The following NICOL1 variants were observed in gnomAD, a reference collection of about 807,000 sequenced individuals.
NICOL1 encodes NELL2 interacting cell ontogeny regulator 1.
the NICOL1 span, among the ~76,000 whole-genome samples, chr4:2,040,648 G>A: frequency 2.0e-5 from 3 of 152,178 alleles, no homozygotes; most frequent in Non-Finnish European, 2.9e-5. Context: ...GCACTAGCCC[G>A]ACACTCGGGA....
the NICOL1 span, among the ~76,000 whole-genome samples, chr4:2,038,280 TATATAA>T: frequency 4.3e-5 from 5 of 116,372 alleles, no homozygotes; most frequent in South Asian, 2.7e-4. Context: ...TATATATATA[TATATAA>T]AATTAAAATT....
the NICOL1 span, chr4:2,042,621 C>T: frequency 1.2e-5 from 7 of 569,626 alleles, no homozygotes; most frequent in Non-Finnish European, 2.0e-5. Context: ...GAGATGGTGG[C>T]TTGGGGAGTG....
the NICOL1 span, among the ~76,000 whole-genome samples, chr4:2,037,191 T>C: frequency 6.6e-6 from 1 of 152,198 alleles, no homozygotes; most frequent in African/African-American, 2.4e-5. Flanking sequence ...ATTGTAAGTT[T>C]CCTGAAGCTC....
At chr4:2,043,861 A>G in the NICOL1 span, 1 of 1,549,488 alleles carries the variant, frequency 6.5e-7, no homozygotes, top group South Asian at 1.2e-5. Flanking sequence ...TGCTTTGCAG[A>G]CGGAGACCCT....
At chr4:2,041,882 A>C in the NICOL1 span, 3 of 1,180,168 alleles carry the variant, frequency 2.5e-6, no homozygotes, top group Non-Finnish European at 3.3e-6. Flanking sequence ...AGGGCCAGGC[A>C]CACCCGATTC....
At chr4:2,043,012 A>G in the NICOL1 span, among the ~76,000 whole-genome samples, 1 of 152,020 alleles carries the variant, frequency 6.6e-6, no homozygotes, top group Non-Finnish European at 1.5e-5. Flanking sequence ...TGTCTCACCT[A>G]TGAGACGCCC....
At chr4:2,042,127 G>A in the NICOL1 span, 5 of 1,467,788 alleles carry the variant, frequency 3.4e-6, no homozygotes, top group African/African-American at 7.4e-5. Flanking sequence ...GCGCGGACTA[G>A]AGGCTCGCTG....
At chr4:2,038,237 G>GTATATATATA in the NICOL1 span, among the ~76,000 whole-genome samples, 57 of 91,444 alleles carry the variant, frequency 6.2e-4, no homozygotes, top group Admixed American at 1.3e-3. Context: ...TGATCAGTGT[G>GTATATATATA]TATATATATA....
the NICOL1 span, chr4:2,043,719 C>G: frequency 1.6e-6 from 1 of 632,634 alleles, no homozygotes; most frequent in Non-Finnish European, 2.7e-6. Context: ...GTGGGAGGCT[C>G]TGGGTGTGGG....
chr4:2,042,335 C>T, the NICOL1 span: 2 of 559,698 alleles, frequency 3.6e-6, no homozygotes, highest in African/African-American at 2.0e-5. Flanking sequence ...AGGGCGGCCC[C>T]GCTCCCTCTG....
chr4:2,042,128 A>G, the NICOL1 span: 1 of 1,445,876 alleles, frequency 6.9e-7, no homozygotes, highest in South Asian at 1.3e-5. Flanking sequence ...CGCGGACTAG[A>G]GGCTCGCTGG....
At chr4:2,038,285 A>ATG in the NICOL1 span, among the ~76,000 whole-genome samples, 1 of 121,560 alleles carries the variant, frequency 8.2e-6, no homozygotes, top group Non-Finnish European at 1.7e-5. Flanking sequence ...ATATATATAT[A>ATG]AAATTAAAAT....
At chr4:2,040,788 G>A in the NICOL1 span, among the ~76,000 whole-genome samples, 1 of 152,186 alleles carries the variant, frequency 6.6e-6, no homozygotes, top group Non-Finnish European at 1.5e-5. Context: ...CCCGAAGCCC[G>A]GCGTCGGCCC....
the NICOL1 span, chr4:2,043,822 C>A: frequency 1.4e-4 from 209 of 1,530,680 alleles, no homozygotes; most frequent in African/African-American, 2.3e-3. Context: ...TGCCAGTGGG[C>A]AGCTGGGCTG....
At chr4:2,040,463 C>T in the NICOL1 span, among the ~76,000 whole-genome samples, 1 of 152,100 alleles carries the variant, frequency 6.6e-6, no homozygotes, top group Non-Finnish European at 1.5e-5. Flanking sequence ...AGCGTGGGAC[C>T]GAAGGGGAGA....
the NICOL1 span, chr4:2,041,888 G>C: frequency 8.1e-7 from 1 of 1,232,458 alleles, no homozygotes. Context: ...AGGCACACCC[G>C]ATTCCTGGAG....
the NICOL1 span, among the ~76,000 whole-genome samples, chr4:2,038,946 T>A: frequency 6.6e-6 from 1 of 152,224 alleles, no homozygotes; most frequent in Non-Finnish European, 1.5e-5. Flanking sequence ...GATCTTTTCA[T>A]CACCTGGGAG....
the NICOL1 span, chr4:2,042,738 C>G: frequency 2.0e-6 from 3 of 1,512,070 alleles, no homozygotes; most frequent in Non-Finnish European, 2.6e-6. Context: ...CCCCGCAGGC[C>G]GCCCATGCGT....
chr4:2,038,237 G>GTACA, the NICOL1 span, among the ~76,000 whole-genome samples: 49 of 91,468 alleles, frequency 5.4e-4, no homozygotes, highest in Non-Finnish European at 8.7e-4. Context: ...TGATCAGTGT[G>GTACA]TATATATATA....
Sources: gnomAD v4.1 joint callset for allele counts (sites outside exome capture counted in the v4.1 genomes callset) on GRCh38, gnomAD v4.1.1 for gene constraint, MANE v1.5 for transcripts, NCBI Gene and HGNC (gene_info 2026-07-23, HGNC 2026-07-21) for gene names.